Variants in RPTOR observed in about 807,000 individuals in gnomAD.
The protein encoded by RPTOR is regulatory-associated protein of mTOR.
A neutral mutation model predicts 169.9 loss-of-function variants in RPTOR; 21 were observed. That is an observed-to-expected ratio of 0.12 (90% CI 0.09 to 0.18). RPTOR has a LOEUF of 0.18. RPTOR is among the 10% of genes least tolerant of loss of function. The pLI is 1.00. For missense variants in RPTOR, 1,133 were observed against 1,855.9 expected (o/e 0.61, Z 7.16); for synonymous variants, 732 against 753.2 (o/e 0.97, Z 0.46).
At chr17:80,557,271 G>C (rs909343836) in intron 1 of RPTOR, among the ~76,000 whole-genome samples, 5 of 152,144 alleles carry the variant, frequency 3.3e-5, no homozygotes, top group African/African-American at 1.2e-4. Flanking sequence ...ACTTTAAAAA[G>C]GAATTTTGAA....
At chr17:80,884,876 G>T (rs1273938471) in intron 16 of RPTOR, 132 bp from the exon 17 acceptor site, 14 of 1,227,992 alleles carry the variant, frequency 1.1e-5, no homozygotes. Flanking sequence ...TGCGAGGAGA[G>T]CCTTGGGCCT....
intron 13 of RPTOR, among the ~76,000 whole-genome samples, chr17:80,864,875 T>C (rs749749044): frequency 6.6e-6 from 1 of 152,250 alleles, no homozygotes; most frequent in Non-Finnish European, 1.5e-5. Context: ...AAGGTCTCAT[T>C]CTGTTGCCCA....
intron 1 of RPTOR, among the ~76,000 whole-genome samples, chr17:80,585,628 G>A (rs947141101): frequency 6.6e-6 from 1 of 152,234 alleles, no homozygotes; most frequent in African/African-American, 2.4e-5. Flanking sequence ...TCCTGAGTGT[G>A]CACGCTGCTA....
At chr17:80,576,798 G>C (rs2064967745) in intron 1 of RPTOR, among the ~76,000 whole-genome samples, 1 of 152,106 alleles carries the variant, frequency 6.6e-6, no homozygotes, top group African/African-American at 2.4e-5. Flanking sequence ...CCACCTCCTG[G>C]GTTCAAGCCA....
rs746634928 is a variant in RPTOR, at chr17:80,908,883, A to G, written c.2474A>G (p.Glu825Gly). ...LLHLAADPYP[E>G]VSDVAMKVLN... ...CACCTGGCTGCTGACCCCTATCCAG[A>G]GGTCTCGGACGTGGCCATGAAAGTA... The change falls in exon 21 of 34, where the codon GAG becomes GGG. Residue 825 changes from glutamate to glycine, a missense_variant. Transcript: ENST00000306801. 1.9e-6 allele frequency: 3 copies of G among 1,613,978 alleles called. No homozygotes were observed. Among genetic ancestry groups the G allele is most frequent in the Admixed American group, 1.7e-5 (1 of 60,008 alleles).
At chr17:80,888,845 A>G (rs978731306) in intron 17 of RPTOR, among the ~76,000 whole-genome samples, 3 of 152,036 alleles carry the variant, frequency 2.0e-5, no homozygotes, top group Non-Finnish European at 2.9e-5. Flanking sequence ...GCTGGGTGTG[A>G]GAGTGGTGGG....
chr17:80,852,958 T>C (rs2067809705), intron 11 of RPTOR, among the ~76,000 whole-genome samples: 1 of 151,884 alleles, frequency 6.6e-6, no homozygotes, highest in East Asian at 1.9e-4. Context: ...TCCCAAACCT[T>C]CTTTTCTAGA....
intron 3 of RPTOR, among the ~76,000 whole-genome samples, chr17:80,700,722 T>A (rs1427531648): frequency 1.1e-5 from 1 of 88,380 alleles, no homozygotes; most frequent in African/African-American, 4.1e-5. Context: ...GTGGTGGTGG[T>A]GGTGGTGATG....
At chr17:80,927,869 G>A (rs56072626) in intron 24 of RPTOR, among the ~76,000 whole-genome samples, 44,804 of 151,416 alleles carry the variant, frequency 0.3, 6,831 homozygotes, top group Middle Eastern at 0.36. Context: ...GAGAATTCCC[G>A]CCCGCACGGA....
intron 4 of RPTOR, among the ~76,000 whole-genome samples, chr17:80,724,172 G>C (rs2066310451): frequency 6.6e-6 from 1 of 151,218 alleles, no homozygotes; most frequent in Non-Finnish European, 1.5e-5. Context: ...ACGTGGGAGG[G>C]AAGGAGAGGT....
At chr17:80,917,966 G>A (rs1267639623) in intron 21 of RPTOR, among the ~76,000 whole-genome samples, 4 of 152,154 alleles carry the variant, frequency 2.6e-5, no homozygotes, top group East Asian at 1.9e-4. Context: ...CTCAGCAAGC[G>A]TTCACCTCAC....
At chr17:80,728,446 G>GTGTGTGTGTGTGTGTGTGT (rs2066359075) in intron 4 of RPTOR, among the ~76,000 whole-genome samples, 13 of 148,174 alleles carry the variant, frequency 8.8e-5, no homozygotes, top group African/African-American at 2.7e-4. Context: ...TCCACTCTGG[G>GTGTGTGTGTGTGTGTGTGT]GTGTGTGTGT....
chr17:80,782,272 G>A (rs2066948978), intron 6 of RPTOR, among the ~76,000 whole-genome samples: 1 of 152,232 alleles, frequency 6.6e-6, no homozygotes, highest in Non-Finnish European at 1.5e-5. Flanking sequence ...AAGGCTCTGG[G>A]TCAAGGGCAT....
rs146885396 is a variant in RPTOR, at chr17:80,737,419, C to T, written c.654+6713C>T. Reference sequence around the variant, plus strand: ...CTCTCTTTAGAGGAAAAAAACCCACCACCAGCCTGAGTGCTTTCCGGCAGG... The same window carrying T: ...CTCTCTTTAGAGGAAAAAAACCCACTACCAGCCTGAGTGCTTTCCGGCAGG... On this transcript the variant is annotated intron_variant, in intron 5 of 33. Transcript: ENST00000306801. Among the ~76,000 whole-genome samples the T allele has an allele frequency of 3.4e-3, 520 of 152,274 alleles. 2 individuals carry two copies. Among genetic ancestry groups the T allele is most frequent in the Non-Finnish European group, 5.7e-3 (389 of 68,028 alleles).
At position 80,861,337 on chromosome 17, in the gene RPTOR, G is replaced by A. The variant is rs914962838; in HGVS notation, c.1509+3437G>A. Among the ~76,000 whole-genome samples, 4 of 144,642 alleles carry A rather than the reference G, an allele frequency of 2.8e-5. 1 individual carries two copies. The highest frequency in any genetic ancestry group is 6.8e-5 in the Admixed American group (1 of 14,622). 94.9% of individuals were successfully genotyped at this position (144,642 alleles called of 152,430 possible). On this transcript the variant is annotated intron_variant, in intron 13 of 33. Transcript: ENST00000306801. This position sits in a 1 kb window ranked among gnomAD's most constrained non-coding sequence, Gnocchi z 4.5. ...GAACAGGACCAGGAAGGGGCACCAC[G>A]TAAATCTCACATCTCTCCTGCCTGT...
intron 6 of RPTOR, among the ~76,000 whole-genome samples, chr17:80,762,620 A>C (rs1020135771): frequency 6.6e-6 from 1 of 152,232 alleles, no homozygotes; most frequent in African/African-American, 2.4e-5. Context: ...ATGAAGAAGA[A>C]ACAGGAAGAA....
chr17:80,925,325 CTG>C, intron 23 of RPTOR, 43 bp from the exon 24 acceptor site: 1 of 1,526,618 alleles, frequency 6.6e-7, no homozygotes, highest in Non-Finnish European at 9.0e-7. Context: ...GCATGACTGA[CTG>C]GTGTTTCTTT....
chr17:80,665,390 T>G (rs1172664974), intron 3 of RPTOR, among the ~76,000 whole-genome samples: 4 of 5,942 alleles, frequency 6.7e-4, no homozygotes, highest in Non-Finnish European at 1.0e-3. Context: ...TTCCTTTCCT[T>G]TCCTTTCCTT....
intron 4 of RPTOR, among the ~76,000 whole-genome samples, chr17:80,713,130 G>C (rs200592569): frequency 2.4e-4 from 36 of 152,090 alleles, no homozygotes; most frequent in African/African-American, 7.7e-4. Flanking sequence ...GTACAATGGC[G>C]TGATCTTGGC....
Sources: gnomAD v4.1 joint callset for allele counts (sites outside exome capture counted in the v4.1 genomes callset) on GRCh38, gnomAD v4.1.1 for gene constraint, Gnocchi (gnomAD v3.1) non-coding constraint, MANE v1.5 for transcripts, NCBI Gene and HGNC (gene_info 2026-07-23, HGNC 2026-07-21) for gene names.